Variants in SLC41A1 observed in about 807,000 individuals in gnomAD.
SLC41A1 encodes the protein solute carrier family 41 member 1, also known as solute carrier family 41 (magnesium transporter), member 1.
Under a neutral mutation model 47.3 loss-of-function variants are expected in SLC41A1, and 20 were observed. The observed-to-expected ratio is 0.42, with a 90% confidence interval of 0.30 to 0.61. The LOEUF (loss-of-function observed/expected upper bound fraction) is 0.61, where lower values mean the gene tolerates loss of function less well. SLC41A1 is among the 20% of genes least tolerant of loss of function. The pLI is 0.17. For synonymous variants in SLC41A1, 282 were observed against 272.7 expected, an observed-to-expected ratio of 1.03 and a Z score of -0.34; for missense variants, 504 against 674.1, an observed-to-expected ratio of 0.75 and a Z score of 2.79.
intron 5 of SLC41A1, 35 bp downstream of exon 5, chr1:205,798,922 G>T (rs1558080479): frequency 1.2e-6 from 2 of 1,614,084 alleles, no homozygotes; most frequent in Non-Finnish European, 1.7e-6. Context: ...CTCTGGGGCG[G>T]CACTCCTTAC....
chr1:205,808,395 G>A (rs1656065786), intron 2 of SLC41A1, among the ~76,000 whole-genome samples: 1 of 152,190 alleles, frequency 6.6e-6, no homozygotes, highest in Admixed American at 6.5e-5. Flanking sequence ...CCTACAAAAT[G>A]GAGATGATTA....
In SLC41A1 at chr1:205,796,969, C is replaced by CT; in HGVS notation, c.1026dup (p.Asp343ArgfsTer15). 1 of 1,613,482 alleles carries CT rather than the reference C, an allele frequency of 6.2e-7. No individual in the cohort carries two copies. The highest frequency in any genetic ancestry group is 8.5e-7 in the Non-Finnish European group (1 of 1,179,770). On this transcript the variant is annotated frameshift_variant, in exon 8 of 11. Transcript: ENST00000367137. LOFTEE classifies it high-confidence loss of function. ...ACAGCCATCCCAGCAAAGTTGGGGTCTGAGACAGTCTTGTCCAAGATGAGG... is the reference window on the plus strand; with the variant it reads ...ACAGCCATCCCAGCAAAGTTGGGGTCTTGAGACAGTCTTGTCCAAGATGAGG...
rs144042954 is a variant in SLC41A1 at position 205,810,303 on chromosome 1, C to A, written c.139G>T (p.Val47Leu). The A allele has an allele frequency of 1.6e-5, 26 of 1,614,204 alleles. No individual in the cohort carries two copies. The highest frequency in any genetic ancestry group is 2.2e-5 in the Non-Finnish European group (26 of 1,180,040). ...SEFLGPDGAG[V>L]EVVIESRANA... ...GCCCGAGACTCAATCACCACCTCTA[C>A]CCCAGCCCCATCAGGCCCCAGGAAC... The change falls in exon 2 of 11, where the codon GTA becomes TTA. Residue 47 changes from valine to leucine, a missense_variant. By Grantham distance (32) the Val-to-Leu change is conservative. Coordinates refer to ENST00000367137, the MANE Select transcript of SLC41A1 (RefSeq NM_173854.6). The surrounding 1 kb of genome is among the most constrained non-coding windows in gnomAD (Gnocchi z 5.5).
chr1:205,793,662 G>T (rs565517291), intron 10 of SLC41A1, among the ~76,000 whole-genome samples: 1 of 152,330 alleles, frequency 6.6e-6, no homozygotes, highest in East Asian at 1.9e-4. Flanking sequence ...TGATGGAGCT[G>T]TAAGAAAATC....
chr1:205,810,450 C>T lies in SLC41A1; in HGVS notation c.-9G>A, dbSNP rs986412923. 6.2e-6 allele frequency: 10 copies of T among 1,614,064 alleles called. No homozygotes were observed. The highest frequency in any genetic ancestry group is 4.0e-5 in the African/African-American group (3 of 74,938). On this transcript the variant is annotated 5_prime_UTR_variant, in exon 2 of 11. It adds an upstream start codon to the 5' untranslated region. Coordinates refer to ENST00000367137, the MANE Select transcript of SLC41A1 (RefSeq NM_173854.6). This position sits in a 1 kb window ranked among gnomAD's most constrained non-coding sequence, Gnocchi z 5.5. ...TCTGGCTTAGAGGACATGACAGGCACGGAGGAGGGGAAGGGAGAACTTTCC... is the reference window on the plus strand; with the variant it reads ...TCTGGCTTAGAGGACATGACAGGCATGGAGGAGGGGAAGGGAGAACTTTCC...
rs571324394 is a variant in SLC41A1, at chr1:205,790,438, T to C, written c.*1095A>G. On this transcript the variant is annotated 3_prime_UTR_variant, in exon 11 of 11. Coordinates refer to ENST00000367137, the MANE Select transcript of SLC41A1 (RefSeq NM_173854.6). ...GCTGCATATTTGCTAAATGAACGAA[T>C]AAATGATTGGTGAATGTTTGTGGGT... 6.6e-6 allele frequency: 1 copy of C among 152,282 alleles called. No homozygotes were observed. Among genetic ancestry groups the C allele is most frequent in the South Asian group, 2.1e-4 (1 of 4,824 alleles). The allele number at this position is 152,282 out of a possible 1,614,324, so 9.4% of individuals were successfully genotyped here.
At chr1:205,809,972 C>T in intron 2 of SLC41A1, 98 bp downstream of exon 2, 1 of 1,542,294 alleles carries the variant, frequency 6.5e-7, no homozygotes, top group South Asian at 1.2e-5. Context: ...GAAGCAGCAG[C>T]CACTTCTGAC....
chr1:205,790,871 G>C lies in SLC41A1; in HGVS notation c.*662C>G, dbSNP rs191778852. On this transcript the variant is annotated 3_prime_UTR_variant, in exon 11 of 11. Coordinates refer to ENST00000367137, the MANE Select transcript of SLC41A1 (RefSeq NM_173854.6). ...TCAACTGGAAATGATCAGAGGGAGGGGTTGTTGATGTTGACCAGGCCATTG... is the reference window on the plus strand; with the variant it reads ...TCAACTGGAAATGATCAGAGGGAGGCGTTGTTGATGTTGACCAGGCCATTG... 1 of 155,060 alleles carries C rather than the reference G, an allele frequency of 6.4e-6. No individual in the cohort carries two copies. 9.6% of individuals were successfully genotyped at this position (155,060 alleles called of 1,614,324 possible).
At chr1:205,799,675 G>A in intron 4 of SLC41A1, 84 bp downstream of exon 4, 1 of 1,436,792 alleles carries the variant, frequency 7.0e-7, no homozygotes, top group Non-Finnish European at 9.7e-7. Flanking sequence ...TCACTCAGGA[G>A]CCTGCTGGGG....
chr1:205,794,457 C>T lies in SLC41A1; in HGVS notation c.1356+413G>A, dbSNP rs1655699513. 1.3e-5 allele frequency among the ~76,000 whole-genome samples: 2 copies of T among 152,118 alleles called. 1 individual carries two copies. Among genetic ancestry groups the T allele is most frequent in the Admixed American group, 1.3e-4 (2 of 15,268 alleles). On this transcript the variant is annotated intron_variant, in intron 10 of 10. Coordinates refer to ENST00000367137, the MANE Select transcript of SLC41A1 (RefSeq NM_173854.6). Reference sequence around the variant, plus strand: ...AGATTATCTAGTGCAGTGGTTTTGACAGTTTTTCAAGCTATGGGATGCTTT... The same window carrying T: ...AGATTATCTAGTGCAGTGGTTTTGATAGTTTTTCAAGCTATGGGATGCTTT...
At chr1:205,808,151 TCA>T (rs2102510763) in intron 2 of SLC41A1, among the ~76,000 whole-genome samples, 1 of 152,274 alleles carries the variant, frequency 6.6e-6, no homozygotes, top group Admixed American at 6.5e-5. Context: ...AGACGGGGTT[TCA>T]CTGTGTTGGC....
chr1:205,794,655 A>G (rs1052888013), intron 10 of SLC41A1, among the ~76,000 whole-genome samples: 1 of 152,178 alleles, frequency 6.6e-6, no homozygotes, highest in Non-Finnish European at 1.5e-5. Context: ...GCTGAGGATC[A>G]GGGTAGTAAA....
chr1:205,795,589 T>C, intron 8 of SLC41A1, 111 bp from the exon 9 acceptor site: 1 of 1,354,510 alleles, frequency 7.4e-7, no homozygotes, highest in Non-Finnish European at 1.0e-6. Flanking sequence ...GTCCTCTGTC[T>C]TAATTTAGGG....
At position 205,791,429 on chromosome 1, in the gene SLC41A1, T is replaced by A; in HGVS notation, c.*104A>T. The stretch of plus-strand genomic sequence containing the variant: ...ATGAGAATTTGGTATCAAAGTGAAG[T>A]CCTAGAAAGAGGTGGGAGTGTGGGG... On this transcript the variant is annotated 3_prime_UTR_variant, in exon 11 of 11. Transcript: ENST00000367137. This position sits in a 1 kb window ranked among gnomAD's most constrained non-coding sequence, Gnocchi z 4.0. The A allele has an allele frequency of 7.4e-7, 1 of 1,347,382 alleles. No homozygotes were observed. The allele number at this position is 1,347,382 out of a possible 1,614,324, so 83.5% of individuals were successfully genotyped here.
chr1:205,811,319 C>G (rs1448124752), intron 1 of SLC41A1, among the ~76,000 whole-genome samples: 1 of 152,188 alleles, frequency 6.6e-6, no homozygotes, highest in African/African-American at 2.4e-5. Context: ...TGAGGGATCA[C>G]CACCGTGGTC....
chr1:205,808,666 G>A (rs1656072624), intron 2 of SLC41A1, among the ~76,000 whole-genome samples: 1 of 152,164 alleles, frequency 6.6e-6, no homozygotes, highest in South Asian at 2.1e-4. Context: ...CTAGGGGGAG[G>A]AGCAGCCCCT....
At chr1:205,793,539 C>A (rs1360826072) in intron 10 of SLC41A1, among the ~76,000 whole-genome samples, 1 of 152,212 alleles carries the variant, frequency 6.6e-6, no homozygotes, top group Non-Finnish European at 1.5e-5. Flanking sequence ...CCCGCCCCTG[C>A]CAAGATGTCC....
At chr1:205,794,158 ACGAGTG>A (rs1558078442) in intron 10 of SLC41A1, among the ~76,000 whole-genome samples, 1 of 83,916 alleles carries the variant, frequency 1.2e-5, no homozygotes, top group African/African-American at 2.9e-5. Flanking sequence ...ACACACACAC[ACGAGTG>A]CATGTAAAAC....
intron 2 of SLC41A1, 120 bp downstream of exon 2, chr1:205,809,950 A>G (rs915623070): frequency 7.0e-7 from 1 of 1,427,736 alleles, no homozygotes; most frequent in Admixed American, 1.9e-5. Flanking sequence ...CCAAAGGAAA[A>G]CAGTATTCTA....
Sources: gnomAD v4.1 joint callset for allele counts (sites outside exome capture counted in the v4.1 genomes callset) on GRCh38, gnomAD v4.1.1 for gene constraint, Gnocchi (gnomAD v3.1) non-coding constraint, MANE v1.5 for transcripts, NCBI Gene and HGNC (gene_info 2026-07-23, HGNC 2026-07-21) for gene names.